BICRA: variants seen among roughly 807,000 people sequenced by gnomAD.
The protein encoded by BICRA is BRD4 interacting chromatin remodeling complex associated protein.
BICRA carries 31 observed loss-of-function variants against 96.9 expected under a neutral mutation model. That is an observed-to-expected ratio of 0.32 (90% confidence interval 0.24 to 0.43). The LOEUF (loss-of-function observed/expected upper bound fraction) is 0.43. Among genes scored for constraint, BICRA ranks in the 20% least tolerant of loss-of-function variants. The pLI is 1.00. For missense variants in BICRA, 2,283 were observed against 2,190.3 expected (o/e 1.04, Z -0.84); for synonymous variants, 1,350 against 1,071.8 (o/e 1.26, Z -5.07).
chr19:47,629,960 C>G (rs1175416478), intron 1 of BICRA, among the ~76,000 whole-genome samples: 2 of 152,144 alleles, frequency 1.3e-5, no homozygotes, highest in East Asian at 1.9e-4. Context: ...GGCGCCCGGC[C>G]ACCCATTTTA....
chr19:47,693,980 C>T (rs1282473828), intron 7 of BICRA, 135 bp from the exon 8 acceptor site: 3 of 1,058,270 alleles, frequency 2.8e-6, no homozygotes, highest in Non-Finnish European at 3.9e-6. Context: ...GTGGTGGGCT[C>T]CTCTCTCAGG....
chr19:47,651,995 G>A (rs990731157), intron 1 of BICRA, among the ~76,000 whole-genome samples: 2 of 152,192 alleles, frequency 1.3e-5, no homozygotes, highest in Non-Finnish European at 1.5e-5. Context: ...GGTGTTTGCT[G>A]TAAGACCCAG....
rs912608902 is a variant in BICRA at position 47,639,607 on chromosome 19, C to T, written c.-108+30439C>T. ...CCTCCCAAAGTGCTGGGATTACAGG[C>T]GTGAGCCACCGCGGCCAGCCAATTT... On this transcript the variant is annotated intron_variant, in intron 1 of 14. Transcript: ENST00000594866. 1.3e-3 allele frequency among the ~76,000 whole-genome samples: 187 copies of T among 148,418 alleles called. 1 individual carries two copies. Among genetic ancestry groups the T allele is most frequent in the African/African-American group, 4.5e-3 (180 of 40,244 alleles).
Position 47,694,637 on chromosome 19 carries a change from C to A in BICRA, c.2806C>A (p.Pro936Thr), listed in dbSNP as rs202202350. 8.9e-6 allele frequency: 14 copies of A among 1,572,676 alleles called. No individual in the cohort carries two copies. Among genetic ancestry groups the A allele is most frequent in the South Asian group, 2.2e-5 (2 of 90,254 alleles). ...LHLVPEPAAP[P>T]PPPPRTFQMV... ...CCTGGTCCCTGAGCCGGCAGCACCC[C>A]CCCCACCGCCTCCTCGGACCTTCCA... Residue 936 changes from proline (P) to threonine (T), a missense_variant, in exon 8 of 15, where the codon CCC (proline) becomes ACC (threonine). By Grantham distance (38) the Pro-to-Thr change is conservative. Transcript: ENST00000594866.
In BICRA at chr19:47,680,100, G is replaced by A. The variant is rs564893375; in HGVS notation, c.930G>A (p.Ala310=). ...TLNGNSVFGG[A]GAASAPTGTP... is the part of the protein sequence containing the mutation. ...ATGGGAACTCTGTGTTCGGAGGCGC[G>A]GGGGCCGCCTCGGCTCCCACCGGGA... Residue 310 remains alanine, a synonymous_variant, in exon 6 of 15, where the codon GCG becomes GCA. Transcript: ENST00000594866. The A allele has an allele frequency of 7.8e-6, 12 of 1,545,042 alleles. No homozygotes were observed. The highest frequency in any genetic ancestry group is 2.4e-5 in the South Asian group (2 of 83,852).
chr19:47,614,146 GC>G (rs924615184), intron 1 of BICRA, among the ~76,000 whole-genome samples: 4 of 151,926 alleles, frequency 2.6e-5, no homozygotes, highest in African/African-American at 9.7e-5. Context: ...TTCTCTGTCT[GC>G]CTTTTGTTCC....
At chr19:47,635,597 A>G (rs1483866565) in intron 1 of BICRA, among the ~76,000 whole-genome samples, 1 of 152,068 alleles carries the variant, frequency 6.6e-6, no homozygotes, top group African/African-American at 2.4e-5. Context: ...TACCTGTTGA[A>G]CAATAACTCT....
chr19:47,656,069 GACACACACACACACACACACACAC>G (rs60179476), intron 1 of BICRA, among the ~76,000 whole-genome samples: 2 of 132,156 alleles, frequency 1.5e-5, no homozygotes, highest in South Asian at 2.6e-4. Context: ...ATCCTGTCTC[GACACACACACACACACACACACAC>G]ACACACACAC....
intron 1 of BICRA, among the ~76,000 whole-genome samples, chr19:47,634,937 T>A (rs1972277535): frequency 6.6e-6 from 1 of 151,862 alleles, no homozygotes; most frequent in South Asian, 2.1e-4. Context: ...TAATTTTTTG[T>A]ATTTTTAGTA....
Position 47,694,123 on chromosome 19 carries a change from A to G in BICRA, c.2292A>G (p.Ala764=). ...ASPAPAPQIP[A]AAPLKGPGPS... is the part of the protein sequence containing the mutation. ...CTCCCTCCCCTGCCCAGATCCCGGCAGCGGCTCCGCTGAAGGGCCCAGGCC... is the reference window on the plus strand; with the variant it reads ...CTCCCTCCCCTGCCCAGATCCCGGCGGCGGCTCCGCTGAAGGGCCCAGGCC... The change falls in exon 8 of 15, where the codon GCA becomes GCG. Residue 764 remains alanine, a synonymous_variant. Coordinates refer to ENST00000594866, the MANE Select transcript of BICRA (RefSeq NM_001394372.1). The G allele has an allele frequency of 9.0e-7, 1 of 1,107,808 alleles. No homozygotes were observed. Among genetic ancestry groups the G allele is most frequent in the Non-Finnish European group, 1.2e-6 (1 of 869,490 alleles). The allele number at this position is 1,107,808 out of a possible 1,614,324, so 68.6% of individuals were successfully genotyped here.
At chr19:47,685,786 T>TGCGTGC (rs1555790131) in intron 7 of BICRA, among the ~76,000 whole-genome samples, 1 of 117,930 alleles carries the variant, frequency 8.5e-6, no homozygotes, top group Non-Finnish European at 1.7e-5. Context: ...TGTGTGTGTG[T>TGCGTGC]GCGCGCGCGC....
At chr19:47,693,646 G>C (rs1973274800) in intron 7 of BICRA, among the ~76,000 whole-genome samples, 1 of 152,212 alleles carries the variant, frequency 6.6e-6, no homozygotes, top group African/African-American at 2.4e-5. Context: ...GGCTGGTGGG[G>C]GCTGGCGGCT....
intron 1 of BICRA, among the ~76,000 whole-genome samples, chr19:47,632,170 G>T (rs1164560027): frequency 1.3e-5 from 2 of 152,220 alleles, no homozygotes; most frequent in East Asian, 3.9e-4. Context: ...TTATGCAAGA[G>T]TGTTTCCACC....
At chr19:47,608,304 G>A (rs1371199800), upstream of BICRA, 1 of 152,336 alleles carries the variant, frequency 6.6e-6, no homozygotes, top group Non-Finnish European at 1.5e-5. Flanking sequence ...AGCCACGCCT[G>A]GGGTCCCGGC....
intron 1 of BICRA, among the ~76,000 whole-genome samples, chr19:47,647,558 A>G (rs1416771811): frequency 6.6e-6 from 1 of 152,008 alleles, no homozygotes; most frequent in African/African-American, 2.4e-5. Flanking sequence ...GGGATTCCAT[A>G]GACAGTAGGT....
At chr19:47,647,784 C>T (rs370639461) in intron 1 of BICRA, among the ~76,000 whole-genome samples, 5 of 152,070 alleles carry the variant, frequency 3.3e-5, no homozygotes, top group African/African-American at 9.6e-5. Flanking sequence ...ATGTCCGCAT[C>T]GTTAGTGAAG....
intron 1 of BICRA, among the ~76,000 whole-genome samples, chr19:47,647,354 A>T (rs1599813309): frequency 6.6e-6 from 1 of 152,156 alleles, no homozygotes; most frequent in South Asian, 2.1e-4. Flanking sequence ...ACCTACTGAG[A>T]CCAGCCAGAC....
At chr19:47,608,408 CCCCTCCATT>C (rs1468015536), upstream of BICRA, 1 of 152,416 alleles carries the variant, frequency 6.6e-6, no homozygotes, top group Non-Finnish European at 1.5e-5. Context: ...TCCCCTCCAT[CCCCTCCATT>C]TCCTTCATCC....
chr19:47,617,998 G>A (rs747780281), intron 1 of BICRA, among the ~76,000 whole-genome samples: 9 of 152,182 alleles, frequency 5.9e-5, no homozygotes, highest in Non-Finnish European at 1.0e-4. Flanking sequence ...GGAAACTGAG[G>A]CAGCAGGGAG....
Sources: gnomAD v4.1 joint callset for allele counts (sites outside exome capture counted in the v4.1 genomes callset) on GRCh38, gnomAD v4.1.1 for gene constraint, MANE v1.5 for transcripts, NCBI Gene and HGNC (gene_info 2026-07-23, HGNC 2026-07-21) for gene names.